RAB22A: variants seen among roughly 807,000 people sequenced by gnomAD.
RAB22A encodes the protein ras-related protein Rab-22A.
RAB22A carries 13 observed loss-of-function variants against 30.2 expected under a neutral mutation model. The ratio of observed to expected loss-of-function variants is 0.43; its 90% confidence interval spans 0.28 to 0.68. RAB22A has a LOEUF of 0.68. Among genes scored for constraint, RAB22A ranks in the 30% least tolerant of loss-of-function variants. The probability of loss-of-function intolerance (pLI) is 0.18; values close to 1 mark genes in which losing one functional copy is unlikely to be tolerated. For missense variants in RAB22A, 177 were observed against 246.8 expected, an observed-to-expected ratio of 0.72 and a Z score of 1.89; for synonymous variants, 89 against 87.2, an observed-to-expected ratio of 1.02 and a Z score of -0.11.
intron 1 of RAB22A, 111 bp downstream of exon 1, chr20:58,310,123 C>G: frequency 9.4e-7 from 1 of 1,069,178 alleles, no homozygotes; most frequent in Non-Finnish European, 1.2e-6. Context: ...AAGACGCTGT[C>G]TGCCAGCCCC....
Position 58,309,953 on chromosome 20 carries a change from G to A in RAB22A, c.-24G>A, listed in dbSNP as rs775956399. ...CCTTCTCAACTTAGGGCGGCGGCGG[G>A]CCCGCGCCCCTGGCTCCCGGGCCAT... On this transcript the variant is annotated 5_prime_UTR_variant, in exon 1 of 7. Coordinates refer to ENST00000244040, the MANE Select transcript of RAB22A (RefSeq NM_020673.3). 2.6e-5 allele frequency: 33 copies of A among 1,264,734 alleles called. No individual in the cohort carries two copies. Among genetic ancestry groups the A allele is most frequent in the Non-Finnish European group, 3.3e-5 (33 of 997,640 alleles). 78.3% of individuals were successfully genotyped at this position (1,264,734 alleles called of 1,614,324 possible).
In RAB22A at chr20:58,366,883, A is replaced by G. The variant is rs1987329212; in HGVS notation, c.*7180A>G. 6.6e-6 allele frequency: 1 copy of G among 152,632 alleles called. No individual in the cohort carries two copies. Among genetic ancestry groups the G allele is most frequent in the Non-Finnish European group, 1.5e-5 (1 of 68,024 alleles). 9.5% of individuals were successfully genotyped at this position (152,632 alleles called of 1,614,324 possible). ...TAAAAGTCCAAATTAAAAGTCTTGA[A>G]GAAAAACAGCTATGGCAATGAGCCT... On this transcript the variant is annotated 3_prime_UTR_variant, in exon 7 of 7. Transcript: ENST00000244040.
At chr20:58,344,951 T>C (rs1386384737) in intron 3 of RAB22A, among the ~76,000 whole-genome samples, 1 of 152,200 alleles carries the variant, frequency 6.6e-6, no homozygotes, top group African/African-American at 2.4e-5. Flanking sequence ...CCATTCCTTT[T>C]CCTTTGCTCA....
intron 2 of RAB22A, among the ~76,000 whole-genome samples, chr20:58,317,240 G>A (rs1986360305): frequency 6.6e-6 from 1 of 152,030 alleles, no homozygotes; most frequent in African/African-American, 2.4e-5. Flanking sequence ...GGGATTACAG[G>A]CACCCACCAC....
At chr20:58,358,755 C>T (rs1037540600) in intron 6 of RAB22A, among the ~76,000 whole-genome samples, 8 of 152,010 alleles carry the variant, frequency 5.3e-5, no homozygotes, top group Admixed American at 6.6e-5. Context: ...ATTAGCCGGG[C>T]GTGGCGGTAC....
chr20:58,354,319 A>C (rs1208088221), intron 6 of RAB22A, 54 bp downstream of exon 6: 1 of 1,221,952 alleles, frequency 8.2e-7, no homozygotes, highest in Admixed American at 2.0e-5. Context: ...TTAACACAGA[A>C]TGATCTTCCT....
chr20:58,353,624 AT>A, intron 5 of RAB22A, 86 bp downstream of exon 5: 1 of 1,143,434 alleles, frequency 8.7e-7, no homozygotes, highest in South Asian at 1.4e-5. Context: ...TCTTGCTTTT[AT>A]TTTATCTCTG....
chr20:58,320,875 G>A (rs575894987), intron 2 of RAB22A, among the ~76,000 whole-genome samples: 4 of 152,192 alleles, frequency 2.6e-5, no homozygotes, highest in Non-Finnish European at 5.9e-5. Flanking sequence ...GGCCAACATG[G>A]TGAAACCCTG....
rs182637560 is a variant in RAB22A at position 58,341,684 on chromosome 20, T to C, written c.117-2034T>C. Among the ~76,000 whole-genome samples the C allele has an allele frequency of 1.8e-4, 27 of 152,296 alleles. 1 individual carries two copies. Among genetic ancestry groups the C allele is most frequent in the Admixed American group, 1.6e-3 (25 of 15,298 alleles). On this transcript the variant is annotated intron_variant, in intron 2 of 6. Transcript: ENST00000244040. ...CACTTTCATTACATCATAGCTGCCA[T>C]TTTGTCTTTTATCTGACTCAATAAT...
Position 58,353,487 on chromosome 20 carries a change from C to G in RAB22A, c.326C>G (p.Pro109Arg). The part of the protein sequence containing the change: ...WVKELRQHGP[P>R]NIVVAIAGNK... ...AAAGAGCTTCGACAGCATGGCCCACCTAATATTGTAGTTGCCATTGCAGGA... is the reference window on the plus strand; with the variant it reads ...AAAGAGCTTCGACAGCATGGCCCACGTAATATTGTAGTTGCCATTGCAGGA... Residue 109 changes from proline to arginine, a missense_variant, in exon 5 of 7, where the codon CCT (proline) becomes CGT (arginine). Transcript: ENST00000244040. 6.2e-7 allele frequency: 1 copy of G among 1,613,284 alleles called. No homozygotes were observed. The highest frequency in any genetic ancestry group is 1.1e-5 in the South Asian group (1 of 91,052).
chr20:58,310,600 C>T (rs948381554), intron 1 of RAB22A, among the ~76,000 whole-genome samples: 6 of 152,178 alleles, frequency 3.9e-5, no homozygotes, highest in African/African-American at 1.4e-4. Flanking sequence ...CATTTCAAAG[C>T]CTTCTTTCTG....
chr20:58,323,012 A>G (rs891076319), intron 2 of RAB22A, among the ~76,000 whole-genome samples: 1 of 152,056 alleles, frequency 6.6e-6, no homozygotes, highest in African/African-American at 2.4e-5. Context: ...GCTAATCCCT[A>G]CTGTGTTTTT....
chr20:58,312,472 C>CTTT lies in RAB22A; in HGVS notation c.116+1382_116+1384dup, dbSNP rs58198236. Among the ~76,000 whole-genome samples, 277 of 38,774 alleles carry CTTT rather than the reference C, an allele frequency of 7.1e-3. 38 individuals are homozygous for CTTT. Among genetic ancestry groups the CTTT allele is most frequent in the Middle Eastern group, 0.029 (1 of 34 alleles). The allele number at this position is 38,774 out of a possible 152,430, so 25.4% of individuals were successfully genotyped here. ...GCACCATGTTACTCCGGCTGGTTTT[C>CTTT]TTTTTTTTTTTTTTTTTTTTTTTTT... On this transcript the variant is annotated intron_variant, in intron 2 of 6. Transcript: ENST00000244040.
rs1372162431 is a variant in RAB22A at position 58,360,765 on chromosome 20, G to C, written c.*1062G>C. 6.6e-6 allele frequency: 1 copy of C among 152,574 alleles called. No homozygotes were observed. The highest frequency in any genetic ancestry group is 1.5e-5 in the Non-Finnish European group (1 of 68,042). The allele number at this position is 152,574 out of a possible 1,614,324, so 9.5% of individuals were successfully genotyped here. On this transcript the variant is annotated 3_prime_UTR_variant, in exon 7 of 7. Coordinates refer to ENST00000244040, the MANE Select transcript of RAB22A (RefSeq NM_020673.3). ...CATTGGTATTGTATAAAGGTATAGA[G>C]CACTTAGCTTACAATCTTTAAAGGT...
At chr20:58,326,399 A>C (rs894977685) in intron 2 of RAB22A, among the ~76,000 whole-genome samples, 1 of 152,182 alleles carries the variant, frequency 6.6e-6, no homozygotes. Context: ...GCAATAACAC[A>C]GTATATAATC....
chr20:58,340,295 G>C (rs1000695658), intron 2 of RAB22A, among the ~76,000 whole-genome samples: 1 of 152,096 alleles, frequency 6.6e-6, no homozygotes, highest in Non-Finnish European at 1.5e-5. Flanking sequence ...CTGTGGGCTA[G>C]AAGGAGTTGG....
At chr20:58,340,330 G>A (rs745384466) in intron 2 of RAB22A, among the ~76,000 whole-genome samples, 1 of 152,166 alleles carries the variant, frequency 6.6e-6, no homozygotes, top group African/African-American at 2.4e-5. Flanking sequence ...CAGAAGGCAG[G>A]AAGGACACTG....
At chr20:58,315,234 C>G (rs549288842) in intron 2 of RAB22A, among the ~76,000 whole-genome samples, 140 of 152,304 alleles carry the variant, frequency 9.2e-4, no homozygotes, top group Admixed American at 3.1e-3. Context: ...TTGATAAAAG[C>G]TGGTCTTCCC....
chr20:58,325,408 C>T (rs1477646624), intron 2 of RAB22A, among the ~76,000 whole-genome samples: 3 of 151,962 alleles, frequency 2.0e-5, no homozygotes, highest in Admixed American at 6.6e-5. Context: ...ATCTGGGAGG[C>T]GGAGGTTGCA....
Sources: allele counts gnomAD v4.1 joint callset (sites outside exome capture counted in the v4.1 genomes callset), GRCh38; gene constraint gnomAD v4.1.1; transcripts MANE v1.5; gene names NCBI Gene and HGNC (gene_info 2026-07-23, HGNC 2026-07-21).